TMEM178B: variants seen among roughly 807,000 people sequenced by gnomAD.
The protein encoded by TMEM178B is transmembrane protein 178B.
A neutral mutation model predicts 31.0 loss-of-function variants in TMEM178B; 5 were observed. The observed-to-expected ratio is 0.16, with a 90% confidence interval of 0.08 to 0.34. The LOEUF (loss-of-function observed/expected upper bound fraction) is 0.34, where lower values mean the gene tolerates loss of function less well. Ranked by LOEUF, TMEM178B falls within the 10% of genes least tolerant of loss-of-function variation. TMEM178B has a pLI of 1.00. For missense variants in TMEM178B, 275 were observed against 400.3 expected (o/e 0.69, Z 2.67); for synonymous variants, 164 against 164.0 (o/e 1.00, Z 0.00).
At chr7:141,215,425 A>T (rs1797117084) in intron 2 of TMEM178B, among the ~76,000 whole-genome samples, 1 of 151,436 alleles carries the variant, frequency 6.6e-6, no homozygotes, top group South Asian at 2.1e-4. Context: ...TCCTGGGTTC[A>T]TGCGATTCTC....
intron 1 of TMEM178B, among the ~76,000 whole-genome samples, chr7:141,110,869 C>T (rs1298323310): frequency 3.3e-5 from 5 of 152,126 alleles, no homozygotes; most frequent in African/African-American, 7.2e-5. Context: ...CCTGAGAGCT[C>T]GCTGTCTTGT....
intron 1 of TMEM178B, among the ~76,000 whole-genome samples, chr7:141,196,387 C>T (rs1194244113): frequency 6.6e-6 from 1 of 152,152 alleles, no homozygotes; most frequent in Non-Finnish European, 1.5e-5. Context: ...AGGACATATA[C>T]ATTTCTACTT....
intron 1 of TMEM178B, among the ~76,000 whole-genome samples, chr7:141,132,597 C>T (rs377755907): frequency 5.3e-5 from 8 of 152,130 alleles, no homozygotes; most frequent in African/African-American, 1.9e-4. Flanking sequence ...GTCTGCCCAG[C>T]CTGCCACTGC....
chr7:141,385,262 G>A (rs1800410760), intron 2 of TMEM178B, among the ~76,000 whole-genome samples: 1 of 152,100 alleles, frequency 6.6e-6, no homozygotes, highest in Admixed American at 6.6e-5. Flanking sequence ...GTCCATCTCT[G>A]AAATCAAACA....
intron 1 of TMEM178B, among the ~76,000 whole-genome samples, chr7:141,139,910 T>C (rs573800902): frequency 4.6e-5 from 7 of 151,858 alleles, no homozygotes; most frequent in Non-Finnish European, 8.8e-5. Flanking sequence ...GGATTACAGG[T>C]GGCCACCACC....
chr7:141,456,532 C>T (rs1249673254), intron 3 of TMEM178B, among the ~76,000 whole-genome samples: 1 of 152,208 alleles, frequency 6.6e-6, no homozygotes, highest in Non-Finnish European at 1.5e-5. Context: ...GTGTCCTGGG[C>T]CTCATGCCAG....
At chr7:141,304,460 C>T (rs1323905861) in intron 2 of TMEM178B, among the ~76,000 whole-genome samples, 1 of 152,170 alleles carries the variant, frequency 6.6e-6, no homozygotes, top group Admixed American at 6.5e-5. Context: ...TGCAGACCTT[C>T]CCCAGGCAAG....
At chr7:141,506,036 C>T in the TMEM178B span, among the ~76,000 whole-genome samples, 1 of 152,236 alleles carries the variant, frequency 6.6e-6, no homozygotes, top group South Asian at 2.1e-4. Context: ...GACTCTGGGT[C>T]ATCTCCATCC....
the TMEM178B span, among the ~76,000 whole-genome samples, chr7:141,510,707 A>AAAAAAAAAAAAAAAAG: frequency 7.4e-6 from 1 of 136,000 alleles, no homozygotes; most frequent in Non-Finnish European, 1.5e-5. Flanking sequence ...AAAAAAAAAA[A>AAAAAAAAAAAAAAAAG]AAAAAGAAAA....
At chr7:141,325,839 A>C (rs78115710) in intron 2 of TMEM178B, among the ~76,000 whole-genome samples, 22,536 of 152,040 alleles carry the variant, frequency 0.15, 2,358 homozygotes, top group African/African-American at 0.29. Context: ...AAAAAGTCTG[A>C]TTCTCTATGG....
the TMEM178B span, among the ~76,000 whole-genome samples, chr7:141,489,244 CTT>C: frequency 6.6e-6 from 1 of 152,224 alleles, no homozygotes. Context: ...AGAGGCCAGA[CTT>C]TGAGCAGCAG....
intron 2 of TMEM178B, among the ~76,000 whole-genome samples, chr7:141,319,167 C>T (rs191604153): frequency 1.1e-4 from 17 of 152,286 alleles, no homozygotes; most frequent in African/African-American, 3.8e-4. Context: ...AATAAATTGG[C>T]TTTTAACGAC....
At chr7:141,222,778 T>A (rs1205142051) in intron 2 of TMEM178B, among the ~76,000 whole-genome samples, 2 of 152,136 alleles carry the variant, frequency 1.3e-5, no homozygotes, top group Admixed American at 1.3e-4. Flanking sequence ...GGAGCTTGCA[T>A]TAGGTGTTTA....
At chr7:141,388,781 G>A (rs1021798772) in intron 2 of TMEM178B, among the ~76,000 whole-genome samples, 1 of 150,978 alleles carries the variant, frequency 6.6e-6, no homozygotes, top group African/African-American at 2.5e-5. Context: ...GTTTGGGGCT[G>A]ATTTATATAG....
chr7:141,306,625 T>G (rs896228967), intron 2 of TMEM178B, among the ~76,000 whole-genome samples: 1 of 152,036 alleles, frequency 6.6e-6, no homozygotes, highest in Non-Finnish European at 1.5e-5. Flanking sequence ...GAGTCTGTTT[T>G]TTTTTTTTTT....
At chr7:141,196,947 G>A (rs1035696979) in intron 1 of TMEM178B, among the ~76,000 whole-genome samples, 10 of 152,242 alleles carry the variant, frequency 6.6e-5, no homozygotes, top group African/African-American at 2.4e-4. Context: ...CCAGCAACAT[G>A]GCTGAGAAAG....
At chr7:141,433,249 G>T (rs1801471010) in intron 2 of TMEM178B, among the ~76,000 whole-genome samples, 1 of 152,204 alleles carries the variant, frequency 6.6e-6, no homozygotes, top group Non-Finnish European at 1.5e-5. Context: ...TAGGAATCTA[G>T]ATCCATCTTA....
At chr7:141,266,100 G>A (rs868621964) in intron 2 of TMEM178B, among the ~76,000 whole-genome samples, 26 of 152,212 alleles carry the variant, frequency 1.7e-4, no homozygotes, top group Non-Finnish European at 2.2e-4. Context: ...CTCAGAGGCT[G>A]TTTAGGGACT....
chr7:141,349,160 A>C (rs1448739065), intron 2 of TMEM178B, among the ~76,000 whole-genome samples: 1 of 152,196 alleles, frequency 6.6e-6, no homozygotes, highest in Admixed American at 6.5e-5. Flanking sequence ...ATAAACTAGA[A>C]GTGTTCAGTA....
Sources: allele counts gnomAD v4.1 joint callset (sites outside exome capture counted in the v4.1 genomes callset), GRCh38; gene constraint gnomAD v4.1.1; transcripts MANE v1.5; gene names NCBI Gene and HGNC (gene_info 2026-07-23, HGNC 2026-07-21).